SOX6: variants seen among roughly 807,000 people sequenced by gnomAD.
SOX6 encodes transcription factor SOX-6.
SOX6 carries 11 observed loss-of-function variants against 97.8 expected under a neutral mutation model. The observed-to-expected ratio is 0.11, with a 90% CI of 0.07 to 0.19. The LOEUF is 0.19. SOX6 is among the 10% of genes least tolerant of loss of function. The pLI is 1.00. For missense variants in SOX6, 810 were observed against 1,039.5 expected (o/e 0.78, Z 3.04); for synonymous variants, 360 against 371.4 (o/e 0.97, Z 0.35).
intron 7 of SOX6, among the ~76,000 whole-genome samples, chr11:16,105,810 CAA>C (rs373256087): frequency 3.3e-5 from 5 of 152,072 alleles, no homozygotes; most frequent in Non-Finnish European, 5.9e-5. Context: ...TAGAAAATCC[CAA>C]AGAGTCCCTG....
rs1020334648 is a variant in SOX6, at chr11:15,968,944, C to G, written c.*3865G>C. 4.6e-5 allele frequency: 7 copies of G among 152,204 alleles called. No homozygotes were observed. Among genetic ancestry groups the G allele is most frequent in the Admixed American group, 3.3e-4 (5 of 15,278 alleles). The allele number at this position is 152,204 out of a possible 1,614,324, so 9.4% of individuals were successfully genotyped here. Reference sequence around the variant, plus strand: ...TACTGGAAAAGACACTGCTTCATATCTGCCAATGAAATAGAAAAGTTGTCA... The same window carrying G: ...TACTGGAAAAGACACTGCTTCATATGTGCCAATGAAATAGAAAAGTTGTCA... On this transcript the variant is annotated 3_prime_UTR_variant, in exon 16 of 16. Transcript: ENST00000683767.
chr11:16,295,994 A>T (rs959392159), intron 3 of SOX6, among the ~76,000 whole-genome samples: 1 of 152,122 alleles, frequency 6.6e-6, no homozygotes, highest in African/African-American at 2.4e-5. Flanking sequence ...GACTAAAATT[A>T]TCTAGTCCTG....
intron 1 of SOX6, among the ~76,000 whole-genome samples, chr11:16,373,911 GAA>G (rs1273584252): frequency 4.8e-4 from 65 of 135,814 alleles, no homozygotes; most frequent in African/African-American, 1.8e-3. Flanking sequence ...AAGGGAGGGA[GAA>G]GGGGAAGGGA....
rs895677015 is a variant in SOX6 at position 16,300,258 on chromosome 11, TA to T, written c.445+18187del. Among the ~76,000 whole-genome samples, 12 of 151,956 alleles carry T rather than the reference TA, an allele frequency of 7.9e-5. No individual in the cohort carries two copies. The highest frequency in any genetic ancestry group is 1.3e-4 in the Admixed American group (2 of 15,260). On this transcript the variant is annotated intron_variant, in intron 3 of 15. Coordinates refer to ENST00000683767, the MANE Select transcript of SOX6 (RefSeq NM_001367873.1). This position sits in a 1 kb window ranked among gnomAD's most constrained non-coding sequence, Gnocchi z 4.1. The stretch of plus-strand genomic sequence containing the variant: ...ACCAAATACTGAGCTGAGCAGGGAT[TA>T]AAAAAAAGGACTTATACAAATGGAG...
chr11:16,339,601 C>T lies in SOX6; in HGVS notation c.237+1411G>A, dbSNP rs1302676524. Among the ~76,000 whole-genome samples, 4 of 151,918 alleles carry T rather than the reference C, an allele frequency of 2.6e-5. No individual in the cohort carries two copies. In the East Asian group the frequency reaches 7.7e-4, roughly 29 times the overall value. The stretch of plus-strand genomic sequence containing the variant: ...TTCTCCTCACACATAGCAAACATCA[C>T]ATTTTAATTATATATTTGTGTATAT... On this transcript the variant is annotated intron_variant, in intron 2 of 15. Coordinates refer to ENST00000683767, the MANE Select transcript of SOX6 (RefSeq NM_001367873.1).
chr11:16,690,374 A>G (rs1240070308), intron 3 of SOX6, among the ~76,000 whole-genome samples: 1 of 152,154 alleles, frequency 6.6e-6, no homozygotes, highest in Non-Finnish European at 1.5e-5. Flanking sequence ...TCTCCAGACT[A>G]TTATCTCTTT....
rs565328275 is a variant in SOX6, at chr11:15,986,534, A to G, written c.1967-114T>C. 130 of 918,374 alleles carry G rather than the reference A, an allele frequency of 1.4e-4. 2 individuals are homozygous for G. In the South Asian group the frequency reaches 1.7e-3, roughly 12 times the overall value. 56.9% of individuals were successfully genotyped at this position (918,374 alleles called of 1,614,324 possible). On this transcript the variant is annotated intron_variant, in intron 14 of 15. Coordinates refer to ENST00000683767, the MANE Select transcript of SOX6 (RefSeq NM_001367873.1). ...CTCATCTGTGCGCTGGGTGGCTCCA[A>G]TTCCCACATACCACTGGCTGTCCCA...
intron 3 of SOX6, among the ~76,000 whole-genome samples, chr11:16,614,850 T>C (rs1214224803): frequency 1.3e-5 from 2 of 152,276 alleles, no homozygotes; most frequent in African/African-American, 4.8e-5. Context: ...TTCAAGAAAA[T>C]GGGACACTAG....
intron 3 of SOX6, among the ~76,000 whole-genome samples, chr11:16,243,603 G>C (rs578122175): frequency 1.3e-5 from 2 of 151,532 alleles, no homozygotes; most frequent in Admixed American, 1.3e-4. Context: ...TACTCATGTA[G>C]CTCCACCCTC....
intron 3 of SOX6, among the ~76,000 whole-genome samples, chr11:16,615,172 A>G (rs1284567243): frequency 6.6e-6 from 1 of 152,180 alleles, no homozygotes; most frequent in Non-Finnish European, 1.5e-5. Context: ...TCCCAATTAT[A>G]GAAACACCTG....
intron 13 of SOX6, among the ~76,000 whole-genome samples, chr11:16,004,529 A>G (rs1161809978): frequency 2.6e-5 from 4 of 152,018 alleles, no homozygotes; most frequent in African/African-American, 9.7e-5. Flanking sequence ...AGGAATGAAC[A>G]GTACTGAAAG....
At chr11:16,297,077 A>G (rs1187108841) in intron 3 of SOX6, among the ~76,000 whole-genome samples, 2 of 152,186 alleles carry the variant, frequency 1.3e-5, no homozygotes, top group Admixed American at 1.3e-4. Context: ...ACTCTCCTAC[A>G]ATGACTTACA....
intron 1 of SOX6, among the ~76,000 whole-genome samples, chr11:16,388,833 C>T (rs1565126135): frequency 6.6e-6 from 1 of 152,000 alleles, no homozygotes; most frequent in Non-Finnish European, 1.5e-5. Flanking sequence ...CTATGAGGTG[C>T]CTAGATGTAC....
At chr11:16,708,285 T>C (rs1214141902) in intron 3 of SOX6, among the ~76,000 whole-genome samples, 1 of 152,174 alleles carries the variant, frequency 6.6e-6, no homozygotes, top group African/African-American at 2.4e-5. Context: ...CCAAGAAATA[T>C]ATGTGCCTTA....
At position 16,097,646 on chromosome 11, in the gene SOX6, G is replaced by A; in HGVS notation, c.941C>T (p.Ala314Val). ...PVQFIPSTMAAAAASGLSPLQ... is the reference protein window; with the variant it reads ...PVQFIPSTMAVAAASGLSPLQ... ...AGGGCTGAGTCCAGAAGCAGCAGCA[G>A]CTGCCATTGTTGATGGAATGAACTG... Residue 314 changes from alanine (A) to valine (V), a missense_variant, in exon 8 of 16, where the codon GCT (alanine) becomes GTT (valine). Physicochemically the swap from Ala to Val is moderately conservative, Grantham distance 64. This residue lies in a region of SOX6 where 244 missense variants were observed against 261.0 expected (regional missense o/e 0.93). Transcript: ENST00000683767. 6.2e-7 allele frequency: 1 copy of A among 1,611,272 alleles called. No homozygotes were observed. Among genetic ancestry groups the A allele is most frequent in the African/African-American group, 1.3e-5 (1 of 74,856 alleles).
In SOX6 at chr11:16,459,456, A is replaced by G. The variant is rs529991419; in HGVS notation, c.-5+16859T>C. On this transcript the variant is annotated intron_variant, in intron 1 of 15. Coordinates refer to the SOX6 transcript ENST00000396356. Reference sequence around the variant, plus strand: ...TTTACCAGCCATACCAAGAAGCCACACAAACAAAATACAACTCATGAAGGA... The same window carrying G: ...TTTACCAGCCATACCAAGAAGCCACGCAAACAAAATACAACTCATGAAGGA... Among the ~76,000 whole-genome samples the G allele has an allele frequency of 3.1e-4, 47 of 152,212 alleles. No individual in the cohort carries two copies. In the South Asian group the frequency reaches 3.1e-3, roughly 10 times the overall value.
At chr11:16,167,710 GTA>G (rs1850923673) in intron 6 of SOX6, among the ~76,000 whole-genome samples, 1 of 152,080 alleles carries the variant, frequency 6.6e-6, no homozygotes, top group Non-Finnish European at 1.5e-5. Context: ...CCTGATATGC[GTA>G]TGACTTGCTT....
chr11:16,184,173 T>C (rs1165010443), intron 5 of SOX6, among the ~76,000 whole-genome samples: 1 of 152,104 alleles, frequency 6.6e-6, no homozygotes, highest in Non-Finnish European at 1.5e-5. Flanking sequence ...ACCCCTTCTA[T>C]TATATTTGTG....
chr11:16,095,038 G>C (rs896311125), intron 9 of SOX6, among the ~76,000 whole-genome samples: 1 of 151,896 alleles, frequency 6.6e-6, no homozygotes, highest in Admixed American at 6.6e-5. Context: ...CAGACCAGCA[G>C]AGCCATCAGA....
Sources: gnomAD v4.1 joint callset for allele counts (sites outside exome capture counted in the v4.1 genomes callset) on GRCh38, gnomAD v4.1.1 for gene constraint, gnomAD v4.1.1 regional missense constraint, Gnocchi (gnomAD v3.1) non-coding constraint, MANE v1.5 for transcripts, NCBI Gene and HGNC (gene_info 2026-07-23, HGNC 2026-07-21) for gene names.